Variants in EYS observed in about 807,000 individuals in gnomAD.
EYS encodes protein eyes shut homolog.
EYS carries 250 observed loss-of-function variants against 282.1 expected under a neutral mutation model. The observed-to-expected ratio is 0.89, with a 90% confidence interval of 0.80 to 0.98. EYS has a LOEUF of 0.98. Ranked by LOEUF, EYS falls within the 50% of genes least tolerant of loss-of-function variation. The pLI is 0.00. For synonymous variants in EYS, 1,355 were observed against 1,282.9 expected, an observed-to-expected ratio of 1.06 and a Z score of -1.20; for missense variants, 4,016 against 3,709.0, an observed-to-expected ratio of 1.08 and a Z score of -2.15.
At chr6:64,794,145 T>C (rs189288101) in intron 22 of EYS, among the ~76,000 whole-genome samples, 4 of 152,330 alleles carry the variant, frequency 2.6e-5, no homozygotes, top group Admixed American at 6.5e-5. Context: ...TCCTCAAAAG[T>C]TCATCCATCT....
intron 18 of EYS, among the ~76,000 whole-genome samples, chr6:64,887,361 C>A (rs1767127714): frequency 6.6e-6 from 1 of 151,806 alleles, no homozygotes; most frequent in Non-Finnish European, 1.5e-5. Context: ...AGCACACCAA[C>A]ATGGCACATG....
chr6:64,081,974 A>G lies in EYS; in HGVS notation c.6453T>C (p.Asn2151=), dbSNP rs1232084521. ...AGGGCAGTTCTAAATAGGAATTCCC[A>G]TTGAAAGATGGAAAGAATAAACCTG... ...KDAGLFFPSF[N]GNSYLELPFL... Residue 2151 remains asparagine (N), a synonymous_variant, in exon 32 of 43, where the codon AAT becomes AAC. Transcript: ENST00000503581. 6.5e-7 allele frequency: 1 copy of G among 1,544,042 alleles called. No individual in the cohort carries two copies. Among genetic ancestry groups the G allele is most frequent in the East Asian group, 2.5e-5 (1 of 40,724 alleles).
chr6:64,879,283 A>T (rs1766843323), intron 19 of EYS, among the ~76,000 whole-genome samples: 1 of 152,132 alleles, frequency 6.6e-6, no homozygotes, highest in Non-Finnish European at 1.5e-5. Flanking sequence ...TCACTCACAA[A>T]TAGTATCAAA....
chr6:64,844,444 A>G (rs1038749934), intron 19 of EYS, among the ~76,000 whole-genome samples: 1 of 151,782 alleles, frequency 6.6e-6, no homozygotes, highest in African/African-American at 2.4e-5. Flanking sequence ...AAATATACCA[A>G]TCATGAGATA....
intron 33 of EYS, among the ~76,000 whole-genome samples, chr6:64,038,022 A>G (rs1376255533): frequency 1.3e-5 from 2 of 152,216 alleles, no homozygotes; most frequent in African/African-American, 4.8e-5. Flanking sequence ...TTTAGATCAA[A>G]TTGACTTTTT....
intron 18 of EYS, among the ~76,000 whole-genome samples, chr6:64,892,589 T>C (rs1375245223): frequency 6.6e-6 from 1 of 152,064 alleles, no homozygotes; most frequent in Non-Finnish European, 1.5e-5. Context: ...ACCACACTTC[T>C]TTACAATGAA....
chr6:64,658,281 T>A (rs1768836441), intron 22 of EYS, among the ~76,000 whole-genome samples: 1 of 149,400 alleles, frequency 6.7e-6, no homozygotes. Context: ...GTTTTTAACT[T>A]CTTTGCCATG....
At chr6:65,265,092 T>C (rs1176181684) in intron 12 of EYS, among the ~76,000 whole-genome samples, 1 of 151,976 alleles carries the variant, frequency 6.6e-6, no homozygotes, top group African/African-American at 2.4e-5. Flanking sequence ...AGACTATTAG[T>C]TGCAGGGCAG....
intron 11 of EYS, among the ~76,000 whole-genome samples, chr6:65,324,647 C>T (rs1769569316): frequency 6.6e-6 from 1 of 152,188 alleles, no homozygotes; most frequent in Non-Finnish European, 1.5e-5. Flanking sequence ...GTACCTATAA[C>T]AGTGAATTCA....
chr6:65,072,076 TA>T (rs1195193290), intron 12 of EYS, among the ~76,000 whole-genome samples: 2 of 151,788 alleles, frequency 1.3e-5, no homozygotes, highest in African/African-American at 4.8e-5. Flanking sequence ...AGACAAATAG[TA>T]AGCTCCGAAG....
At chr6:65,031,416 A>C (rs1359322844) in intron 13 of EYS, among the ~76,000 whole-genome samples, 2 of 152,118 alleles carry the variant, frequency 1.3e-5, no homozygotes, top group African/African-American at 4.8e-5. Flanking sequence ...ACTCAACAGC[A>C]ACAGAATATA....
chr6:64,619,018 C>A (rs530888990), intron 23 of EYS, among the ~76,000 whole-genome samples: 1 of 152,206 alleles, frequency 6.6e-6, no homozygotes, highest in South Asian at 2.1e-4. Flanking sequence ...GAGATGCATA[C>A]ATATATAATA....
intron 35 of EYS, among the ~76,000 whole-genome samples, chr6:63,966,572 G>A (rs1766320485): frequency 6.6e-6 from 1 of 152,190 alleles, no homozygotes; most frequent in South Asian, 2.1e-4. Context: ...AGTAGAACAT[G>A]CCATAGGAAG....
intron 31 of EYS, among the ~76,000 whole-genome samples, chr6:64,204,764 T>C (rs1162347432): frequency 6.6e-6 from 1 of 152,152 alleles, no homozygotes; most frequent in Non-Finnish European, 1.5e-5. Flanking sequence ...TAATAGGGAT[T>C]TGTATTAAGT....
At chr6:64,635,888 A>G (rs1767959956) in intron 22 of EYS, among the ~76,000 whole-genome samples, 1 of 152,288 alleles carries the variant, frequency 6.6e-6, no homozygotes, top group South Asian at 2.1e-4. Flanking sequence ...GAATAGTTTC[A>G]GAAGGAATGG....
chr6:64,380,797 C>T (rs1488062665), intron 29 of EYS, among the ~76,000 whole-genome samples: 5 of 152,082 alleles, frequency 3.3e-5, no homozygotes, highest in African/African-American at 9.7e-5. Flanking sequence ...GCAGGTGGAT[C>T]GTGAAGTCAG....
At chr6:65,607,274 AT>A (rs1765831033) in intron 2 of EYS, among the ~76,000 whole-genome samples, 1 of 151,832 alleles carries the variant, frequency 6.6e-6, no homozygotes, top group Admixed American at 6.6e-5. Flanking sequence ...TCTGCACAAA[AT>A]TGGCAAGGCA....
chr6:64,107,282 TA>T (rs1773052609), intron 31 of EYS, among the ~76,000 whole-genome samples: 1 of 93,628 alleles, frequency 1.1e-5, no homozygotes, highest in Non-Finnish European at 2.1e-5. Flanking sequence ...TATATATATA[TA>T]TTTATATATA....
chr6:64,069,360 AAT>A (rs953631637), intron 32 of EYS, among the ~76,000 whole-genome samples: 5 of 151,950 alleles, frequency 3.3e-5, no homozygotes, highest in African/African-American at 4.8e-5. Flanking sequence ...TTATTTGTGG[AAT>A]ATATATATAT....
Sources: allele counts gnomAD v4.1 joint callset (sites outside exome capture counted in the v4.1 genomes callset), GRCh38; gene constraint gnomAD v4.1.1; transcripts MANE v1.5; gene names NCBI Gene and HGNC (gene_info 2026-07-23, HGNC 2026-07-21).